Variants in PLD1 observed in about 807,000 individuals in gnomAD.
PLD1 encodes choline phosphatase 1.
In PLD1, 112 loss-of-function variants were observed where a neutral mutation model predicts 137.1. The observed-to-expected ratio is 0.82, with a 90% CI of 0.70 to 0.96. PLD1 has a LOEUF of 0.96. Ranked by LOEUF, PLD1 falls within the 40% of genes least tolerant of loss-of-function variation. The pLI, the probability that PLD1 is intolerant of heterozygous loss-of-function variation, is 0.00. For synonymous variants in PLD1, 431 were observed against 454.7 expected, an observed-to-expected ratio of 0.95 and a Z score of 0.66; for missense variants, 1,321 against 1,342.0, an observed-to-expected ratio of 0.98 and a Z score of 0.24.
chr3:171,690,281 T>C (rs887717887), intron 13 of PLD1, among the ~76,000 whole-genome samples: 17 of 152,172 alleles, frequency 1.1e-4, no homozygotes, highest in Admixed American at 7.2e-4. Flanking sequence ...TAAAGGTTTG[T>C]TGATTTTATC....
In PLD1 at chr3:171,808,815, A is replaced by ATTTTTTTTT. The variant is rs60146546; in HGVS notation, c.-32+1575_-32+1583dup. On this transcript the variant is annotated intron_variant, in intron 1 of 26. Transcript: ENST00000351298. ...TTTTTCCTCAAAGCCTTAGCATTCAATTTTTTTTTTTTTTTTTTTTTTTTT... is the reference window on the plus strand; with the variant it reads ...TTTTTCCTCAAAGCCTTAGCATTCAATTTTTTTTTTTTTTTTTTTTTTTTTTTTTTTTTT... 8.9e-4 allele frequency among the ~76,000 whole-genome samples: 77 copies of ATTTTTTTTT among 86,230 alleles called. 5 individuals are homozygous for ATTTTTTTTT. Among genetic ancestry groups the ATTTTTTTTT allele is most frequent in the African/African-American group, 3.3e-3 (68 of 20,668 alleles). 56.6% of individuals were successfully genotyped at this position (86,230 alleles called of 152,430 possible). A position where few individuals can be genotyped will look rare whatever the true frequency, so the allele number is the denominator to read the frequency against.
At chr3:171,747,920 C>T (rs1720360885) in intron 1 of PLD1, among the ~76,000 whole-genome samples, 1 of 152,118 alleles carries the variant, frequency 6.6e-6, no homozygotes, top group African/African-American at 2.4e-5. Flanking sequence ...TCAACTTCCT[C>T]ACCTAAAAAC....
chr3:171,794,195 GAA>G (rs1215589795), intron 1 of PLD1, among the ~76,000 whole-genome samples: 6 of 150,592 alleles, frequency 4.0e-5, no homozygotes, highest in Admixed American at 4.0e-4. Flanking sequence ...GAGAGAGAGA[GAA>G]AAAGAGAGAT....
intron 18 of PLD1, among the ~76,000 whole-genome samples, chr3:171,676,121 C>T (rs748091313): frequency 4.6e-5 from 7 of 152,098 alleles, no homozygotes; most frequent in Middle Eastern, 3.2e-3. Context: ...GGATTACAGT[C>T]GTGGGCCACC....
In PLD1 at chr3:171,620,402, AT is replaced by A. The variant is rs1560150198; in HGVS notation, c.2711del (p.Asp904ValfsTer11). ...YVHSKLLIAD[D>X]NTVIIGSANI... Reference sequence around the variant, plus strand: ...TGTACTTACCAATAATAACAGTGTTATCATCAGCAATTAACAACTTGCTGTG... The same window carrying A: ...TGTACTTACCAATAATAACAGTGTTACATCAGCAATTAACAACTTGCTGTG... On this transcript the variant is annotated frameshift_variant, in exon 24 of 27. Transcript: ENST00000351298. LOFTEE classifies it high-confidence loss of function. 1 of 1,597,376 alleles carries A rather than the reference AT, an allele frequency of 6.3e-7. No homozygotes were observed. The highest frequency in any genetic ancestry group is 8.6e-7 in the Non-Finnish European group (1 of 1,168,008).
At chr3:171,637,900 G>T (rs1308404435) in intron 23 of PLD1, among the ~76,000 whole-genome samples, 1 of 152,048 alleles carries the variant, frequency 6.6e-6, no homozygotes, top group African/African-American at 2.4e-5. Flanking sequence ...CACTTAACCA[G>T]CTGGGCACGG....
intron 6 of PLD1, among the ~76,000 whole-genome samples, chr3:171,732,938 G>C (rs1403586752): frequency 4.6e-5 from 7 of 152,130 alleles, no homozygotes; most frequent in African/African-American, 1.7e-4. Flanking sequence ...GATTCCTCAA[G>C]GGTTTTTTCT....
At chr3:171,728,427 T>C in intron 6 of PLD1, among the ~76,000 whole-genome samples, 1 of 152,212 alleles carries the variant, frequency 6.6e-6, no homozygotes, top group South Asian at 2.1e-4. Flanking sequence ...GCTTCTTAAT[T>C]GGAAAAGGTA....
At chr3:171,681,104 C>A (rs1713925006) in intron 16 of PLD1, among the ~76,000 whole-genome samples, 1 of 152,208 alleles carries the variant, frequency 6.6e-6, no homozygotes, top group Admixed American at 6.5e-5. Flanking sequence ...TTCCAAAACT[C>A]CAAAAGTTCT....
chr3:171,697,254 TTTTTTTTTG>T, intron 12 of PLD1, among the ~76,000 whole-genome samples: 1 of 141,966 alleles, frequency 7.0e-6, no homozygotes, highest in African/African-American at 2.8e-5. Flanking sequence ...TTTTTTTTTT[TTTTTTTTTG>T]AAACAGAGTC....
chr3:171,642,003 T>C (rs1306162376), intron 23 of PLD1, among the ~76,000 whole-genome samples: 1 of 152,098 alleles, frequency 6.6e-6, no homozygotes, highest in Non-Finnish European at 1.5e-5. Flanking sequence ...TAGTTTGTAA[T>C]GATACACAAA....
intron 11 of PLD1, among the ~76,000 whole-genome samples, chr3:171,701,287 C>G (rs1262705770): frequency 6.6e-6 from 1 of 152,110 alleles, no homozygotes; most frequent in Non-Finnish European, 1.5e-5. Context: ...AACAAGCAAA[C>G]AAACAAATAA....
At chr3:171,807,967 G>T (rs1723921361) in intron 1 of PLD1, among the ~76,000 whole-genome samples, 1 of 152,194 alleles carries the variant, frequency 6.6e-6, no homozygotes, top group Non-Finnish European at 1.5e-5. Flanking sequence ...GCAAATTAAT[G>T]CAGGAACAGA....
At chr3:171,808,490 C>G in intron 1 of PLD1, among the ~76,000 whole-genome samples, 1 of 151,980 alleles carries the variant, frequency 6.6e-6, no homozygotes. Flanking sequence ...GAGCCGAGAT[C>G]GCGCCACTGC....
At chr3:171,805,603 A>G (rs999768887) in intron 1 of PLD1, among the ~76,000 whole-genome samples, 15 of 152,310 alleles carry the variant, frequency 9.8e-5, no homozygotes, top group African/African-American at 3.1e-4. Context: ...ACCCTTTGAC[A>G]TACCCATGCT....
intron 13 of PLD1, among the ~76,000 whole-genome samples, chr3:171,689,635 G>A (rs1010061636): frequency 2.6e-5 from 4 of 151,986 alleles, no homozygotes; most frequent in African/African-American, 7.3e-5. Flanking sequence ...TGAGTAGCTG[G>A]GACTATAGGC....
chr3:171,751,718 T>G (rs1720672625), intron 1 of PLD1, among the ~76,000 whole-genome samples: 1 of 152,204 alleles, frequency 6.6e-6, no homozygotes, highest in African/African-American at 2.4e-5. Flanking sequence ...AGTAATTTCA[T>G]GGCCAAGCGC....
intron 19 of PLD1, among the ~76,000 whole-genome samples, chr3:171,670,099 T>C (rs759515145): frequency 5.9e-5 from 9 of 152,226 alleles, no homozygotes; most frequent in South Asian, 2.1e-4. Flanking sequence ...AGTAGAATGA[T>C]AGAAACTAGA....
intron 23 of PLD1, among the ~76,000 whole-genome samples, chr3:171,634,262 G>A (rs1413407192): frequency 6.6e-6 from 1 of 152,086 alleles, no homozygotes; most frequent in Admixed American, 6.6e-5. Context: ...ATAGGCAAAG[G>A]CAAGAAAAGG....
Sources: allele counts gnomAD v4.1 joint callset (sites outside exome capture counted in the v4.1 genomes callset), GRCh38; gene constraint gnomAD v4.1.1; transcripts MANE v1.5; gene names NCBI Gene and HGNC (gene_info 2026-07-23, HGNC 2026-07-21).